TULP4: variants seen among roughly 807,000 people sequenced by gnomAD.
TULP4 encodes tubby-related protein 4.
In TULP4, 16 loss-of-function variants were observed where a neutral mutation model predicts 129.0. The observed-to-expected ratio is 0.12, with a 90% confidence interval of 0.08 to 0.19. TULP4 has a LOEUF of 0.19. TULP4 is among the 10% of genes least tolerant of loss of function. The pLI, the probability that TULP4 is intolerant of heterozygous loss-of-function variation, is 1.00. For missense variants in TULP4, 1,842 were observed against 2,059.1 expected, an observed-to-expected ratio of 0.89 and a Z score of 2.04; for synonymous variants, 998 against 854.0, an observed-to-expected ratio of 1.17 and a Z score of -2.94.
chr6:158,438,970 G>C (rs1778818599), intron 3 of TULP4, among the ~76,000 whole-genome samples: 1 of 152,062 alleles, frequency 6.6e-6, no homozygotes, highest in African/African-American at 2.4e-5. Flanking sequence ...AGGAGATCGA[G>C]ACCATCTTGG....
chr6:158,325,979 A>G (rs541676457), intron 1 of TULP4, among the ~76,000 whole-genome samples: 10 of 128,580 alleles, frequency 7.8e-5, no homozygotes, highest in Admixed American at 2.0e-4. Context: ...GATTTTGTCT[A>G]TTGACTTCAT....
intron 1 of TULP4, among the ~76,000 whole-genome samples, chr6:158,343,263 A>G (rs542958755): frequency 6.6e-6 from 1 of 152,134 alleles, no homozygotes; most frequent in South Asian, 2.1e-4. Context: ...TCTGGTTGAA[A>G]CTGTGTCCAA....
At chr6:158,369,863 T>G (rs182346016) in intron 1 of TULP4, among the ~76,000 whole-genome samples, 2 of 152,178 alleles carry the variant, frequency 1.3e-5, no homozygotes, top group Admixed American at 6.5e-5. Context: ...TCTTTGACTT[T>G]TGTACCATGT....
intron 1 of TULP4, among the ~76,000 whole-genome samples, chr6:158,325,748 A>G (rs561590013): frequency 6.6e-6 from 1 of 151,434 alleles, no homozygotes; most frequent in East Asian, 1.9e-4. Flanking sequence ...TTTTATATTT[A>G]GGTCAGAATT....
At chr6:158,407,918 CTG>C (rs1172804086) in intron 1 of TULP4, among the ~76,000 whole-genome samples, 2 of 152,140 alleles carry the variant, frequency 1.3e-5, no homozygotes, top group Admixed American at 1.3e-4. Flanking sequence ...TTGTACAACT[CTG>C]TGAATATACT....
chr6:158,334,405 T>G (rs2105333), intron 1 of TULP4, among the ~76,000 whole-genome samples: 104,593 of 152,074 alleles, frequency 0.69, 36,217 homozygotes, highest in East Asian at 0.89. Flanking sequence ...CCTTATGATT[T>G]TCTTAATAAT....
At chr6:158,319,614 A>G (rs1779578120) in intron 1 of TULP4, among the ~76,000 whole-genome samples, 1 of 152,238 alleles carries the variant, frequency 6.6e-6, no homozygotes, top group Non-Finnish European at 1.5e-5. Context: ...TCTGAATGAA[A>G]GATAATTTAT....
At chr6:158,445,302 A>C (rs1306562102) in intron 3 of TULP4, among the ~76,000 whole-genome samples, 1 of 152,166 alleles carries the variant, frequency 6.6e-6, no homozygotes, top group Non-Finnish European at 1.5e-5. Flanking sequence ...TCGTCACAGG[A>C]AACAGCAGGA....
At chr6:158,406,883 G>A (rs1361719006) in intron 1 of TULP4, among the ~76,000 whole-genome samples, 2 of 152,210 alleles carry the variant, frequency 1.3e-5, no homozygotes, top group Non-Finnish European at 2.9e-5. Flanking sequence ...CATGTCCTAA[G>A]GAAGCTGGGA....
rs34266316 is a variant in TULP4, at chr6:158,503,341, C to G, written c.3678C>G (p.Val1226=). 1 of 1,613,704 alleles carries G rather than the reference C, an allele frequency of 6.2e-7. No homozygotes were observed. The highest frequency in any genetic ancestry group is 8.5e-7 in the Non-Finnish European group (1 of 1,179,950). Reference sequence around the variant, plus strand: ...TTGCACAACAGGAGCCTGCTGTGGTCCTTCAGCCGCTGTACCCACCCAGCC... The same window carrying G: ...TTGCACAACAGGAGCCTGCTGTGGTGCTTCAGCCGCTGTACCCACCCAGCC... ...TQFAQQEPAV[V]LQPLYPPSLS... Residue 1226 remains valine (V), a synonymous_variant, in exon 13 of 14, where the codon GTC becomes GTG. Transcript: ENST00000367097. The surrounding 1 kb of genome is among the most constrained non-coding windows in gnomAD (Gnocchi z 4.3).
rs557379368 is a variant in TULP4, at chr6:158,240,638, C to T, written n.68+8335C>T. ...TCACCTCCCAGACGGGGCGGCTGGC[C>T]GGGTGGAGGCTGACCCCCCCACCTC... is the stretch of plus-strand genomic sequence containing the variant. On this transcript the variant is annotated intron_variant and non_coding_transcript_variant, in intron 1 of 1. Transcript: ENST00000620026. Among the ~76,000 whole-genome samples the T allele has an allele frequency of 2.4e-3, 233 of 98,520 alleles. 15 individuals are homozygous for T. Among genetic ancestry groups the T allele is most frequent in the African/African-American group, 7.0e-3 (218 of 31,160 alleles). The allele number at this position is 98,520 out of a possible 152,430, so 64.6% of individuals were successfully genotyped here.
chr6:158,503,266 T>C lies in TULP4; in HGVS notation c.3603T>C (p.Pro1201=), dbSNP rs1402356000. The part of the protein sequence containing the change: ...YPGSYNNPPL[P]GVQAPCSPKD... ...GAAGCTATAACAACCCCCCTTTGCCTGGAGTGCAGGCTCCCTGCTCTCCCA... is the reference window on the plus strand; with the variant it reads ...GAAGCTATAACAACCCCCCTTTGCCCGGAGTGCAGGCTCCCTGCTCTCCCA... Residue 1201 remains proline (P), a synonymous_variant, in exon 13 of 14, where the codon CCT becomes CCC. Coordinates refer to ENST00000367097, the MANE Select transcript of TULP4 (RefSeq NM_020245.5). The surrounding 1 kb of genome is among the most constrained non-coding windows in gnomAD (Gnocchi z 4.3). 1 of 1,613,966 alleles carries C rather than the reference T, an allele frequency of 6.2e-7. No individual in the cohort carries two copies. Among genetic ancestry groups the C allele is most frequent in the East Asian group, 2.2e-5 (1 of 44,854 alleles).
rs145216843 is a variant in TULP4, at chr6:158,503,077, G to A, written c.3414G>A (p.Arg1138=). The A allele has an allele frequency of 4.5e-5, 73 of 1,614,008 alleles. No individual in the cohort carries two copies. Among genetic ancestry groups the A allele is most frequent in the Admixed American group, 6.7e-5 (4 of 60,004 alleles). ...LGEDVWVPQE[R]TAQTSGPNPL... Reference sequence around the variant, plus strand: ...AGGATGTTTGGGTTCCTCAAGAAAGGACAGCACAGACTTCAGGGCCCAACC... The same window carrying A: ...AGGATGTTTGGGTTCCTCAAGAAAGAACAGCACAGACTTCAGGGCCCAACC... The change falls in exon 13 of 14, where the codon AGG becomes AGA. Residue 1138 remains arginine, a synonymous_variant. Coordinates refer to ENST00000367097, the MANE Select transcript of TULP4 (RefSeq NM_020245.5). The surrounding 1 kb of genome is among the most constrained non-coding windows in gnomAD (Gnocchi z 4.3).
intron 3 of TULP4, among the ~76,000 whole-genome samples, chr6:158,436,369 C>T (rs1778752715): frequency 6.6e-6 from 1 of 152,150 alleles, no homozygotes; most frequent in Non-Finnish European, 1.5e-5. Context: ...TGTAACTTGA[C>T]CAGAATGTAT....
chr6:158,239,397 T>C (rs1375260922), intron 1 of TULP4, among the ~76,000 whole-genome samples: 2 of 59,676 alleles, frequency 3.4e-5, no homozygotes, highest in Admixed American at 1.7e-4. Context: ...ACGGGGCGGC[T>C]GGCCGGGCGG....
At chr6:158,419,438 A>C (rs1359967120) in intron 2 of TULP4, among the ~76,000 whole-genome samples, 1 of 152,250 alleles carries the variant, frequency 6.6e-6, no homozygotes. Context: ...AATGTAGGAC[A>C]AATTGAAAAA....
chr6:158,274,308 C>T (rs981758404), intron 1 of TULP4, among the ~76,000 whole-genome samples: 2 of 151,902 alleles, frequency 1.3e-5, no homozygotes, highest in Non-Finnish European at 2.9e-5. Context: ...AAACCAAAAG[C>T]CTGCCTCCCA....
intron 1 of TULP4, among the ~76,000 whole-genome samples, chr6:158,341,223 A>G (rs566065044): frequency 2.0e-5 from 3 of 152,138 alleles, no homozygotes; most frequent in Non-Finnish European, 2.9e-5. Flanking sequence ...TTCATTTAAC[A>G]TAATGTCCTC....
intron 1 of TULP4, among the ~76,000 whole-genome samples, chr6:158,329,475 A>AG (rs1208038800): frequency 2.4e-4 from 37 of 151,530 alleles, no homozygotes; most frequent in African/African-American, 7.5e-4. Flanking sequence ...TAAAAAAAAA[A>AG]AAGAAGAATA....
Sources: gnomAD v4.1 joint callset for allele counts (sites outside exome capture counted in the v4.1 genomes callset) on GRCh38, gnomAD v4.1.1 for gene constraint, Gnocchi (gnomAD v3.1) non-coding constraint, MANE v1.5 for transcripts, NCBI Gene and HGNC (gene_info 2026-07-23, HGNC 2026-07-21) for gene names.